APPBP2: variants seen among roughly 807,000 people sequenced by gnomAD.
APPBP2 encodes the protein amyloid protein-binding protein 2.
APPBP2 carries 15 observed loss-of-function variants against 76.0 expected under a neutral mutation model. The ratio of observed to expected loss-of-function variants is 0.20; its 90% CI spans 0.13 to 0.30. The LOEUF (loss-of-function observed/expected upper bound fraction) is 0.30, where lower values mean the gene tolerates loss of function less well. Among genes scored for constraint, APPBP2 ranks in the 10% least tolerant of loss-of-function variants. APPBP2 has a pLI of 1.00. For missense variants in APPBP2, 401 were observed against 687.2 expected, an observed-to-expected ratio of 0.58 and a Z score of 4.66; for synonymous variants, 222 against 242.2, an observed-to-expected ratio of 0.92 and a Z score of 0.77.
intron 2 of APPBP2, among the ~76,000 whole-genome samples, chr17:60,495,159 T>C (rs368090860): frequency 6.6e-6 from 1 of 151,792 alleles, no homozygotes; most frequent in African/African-American, 2.4e-5. Flanking sequence ...TAATCTTTTT[T>C]GTATTTTTAG....
chr17:60,512,886 T>G lies in APPBP2; in HGVS notation c.139-12399A>C, dbSNP rs1003863987. 9.8e-5 allele frequency among the ~76,000 whole-genome samples: 13 copies of G among 132,670 alleles called. No individual in the cohort carries two copies. The East Asian group carries it at 2.2e-3, about 22-fold the overall frequency. The allele number at this position is 132,670 out of a possible 152,430, so 87.0% of individuals were successfully genotyped here. On this transcript the variant is annotated intron_variant, in intron 1 of 12. Coordinates refer to ENST00000083182, the MANE Select transcript of APPBP2 (RefSeq NM_006380.5). The stretch of plus-strand genomic sequence containing the variant: ...GAAAAGAAACGACAAAAAAAAAGAA[T>G]GCTGAATATCTAGTATACAGTTTCA...
intron 2 of APPBP2, among the ~76,000 whole-genome samples, chr17:60,499,036 T>C (rs55725521): frequency 6.6e-6 from 1 of 152,002 alleles, no homozygotes; most frequent in Non-Finnish European, 1.5e-5. Context: ...AGAGGTGTAA[T>C]GGAATTTTAA....
chr17:60,478,642 C>A (rs893532514), intron 4 of APPBP2, among the ~76,000 whole-genome samples: 1 of 152,164 alleles, frequency 6.6e-6, no homozygotes, highest in Admixed American at 6.5e-5. Context: ...ACATTCTGGG[C>A]CAGGCACGGT....
At chr17:60,517,141 A>T (rs1232721337) in intron 1 of APPBP2, among the ~76,000 whole-genome samples, 1 of 152,024 alleles carries the variant, frequency 6.6e-6, no homozygotes, top group East Asian at 1.9e-4. Flanking sequence ...ATGCCTGGCT[A>T]ATTTTTTTTA....
chr17:60,524,248 T>C (rs960629973), intron 1 of APPBP2, among the ~76,000 whole-genome samples: 1 of 152,244 alleles, frequency 6.6e-6, no homozygotes, highest in Non-Finnish European at 1.5e-5. Context: ...TTGGATTACA[T>C]TCCCAATGAT....
chr17:60,451,181 T>C (rs1314691417), intron 12 of APPBP2, among the ~76,000 whole-genome samples: 2 of 152,224 alleles, frequency 1.3e-5, no homozygotes, highest in African/African-American at 2.4e-5. Flanking sequence ...CATAAAAATA[T>C]ACATTGTATA....
chr17:60,505,710 G>A (rs1331383036), intron 1 of APPBP2, among the ~76,000 whole-genome samples: 15 of 104,656 alleles, frequency 1.4e-4, no homozygotes, highest in Middle Eastern at 4.9e-3. Context: ...TTTTGAGATG[G>A]AGTTTCACTC....
chr17:60,490,758 TAGTA>T (rs1237798499), intron 3 of APPBP2, among the ~76,000 whole-genome samples: 1 of 152,140 alleles, frequency 6.6e-6, no homozygotes, highest in Non-Finnish European at 1.5e-5. Flanking sequence ...GTTCTTGTGG[TAGTA>T]AGTCTCACGA....
chr17:60,515,580 G>T (rs987982988), intron 1 of APPBP2, among the ~76,000 whole-genome samples: 2 of 152,094 alleles, frequency 1.3e-5, no homozygotes, highest in Non-Finnish European at 2.9e-5. Flanking sequence ...TCCCTGCATC[G>T]TCACTACTGT....
chr17:60,450,318 G>T (rs1205991479), intron 12 of APPBP2, among the ~76,000 whole-genome samples: 1 of 145,080 alleles, frequency 6.9e-6, no homozygotes, highest in African/African-American at 2.5e-5. Context: ...GGCACCTGTA[G>T]TCCCAGGTAC....
chr17:60,476,257 T>C (rs980953410), intron 4 of APPBP2, among the ~76,000 whole-genome samples: 8 of 152,212 alleles, frequency 5.3e-5, no homozygotes, highest in African/African-American at 1.7e-4. Flanking sequence ...TTGTATAATG[T>C]TTTGATGTTA....
intron 3 of APPBP2, 103 bp downstream of exon 3, chr17:60,494,363 C>A: frequency 7.7e-7 from 1 of 1,304,032 alleles, no homozygotes; most frequent in Non-Finnish European, 1.1e-6. Context: ...TTCTCATAAC[C>A]TTCTTACGTA....
intron 4 of APPBP2, among the ~76,000 whole-genome samples, chr17:60,477,086 A>G (rs2090595969): frequency 6.6e-6 from 1 of 152,206 alleles, no homozygotes; most frequent in South Asian, 2.1e-4. Flanking sequence ...TTCTGATTTA[A>G]AAAAGAGTCA....
At chr17:60,477,800 C>CAAA (rs1177773203) in intron 4 of APPBP2, among the ~76,000 whole-genome samples, 17 of 66,832 alleles carry the variant, frequency 2.5e-4, no homozygotes, top group Admixed American at 6.7e-4. Context: ...TCCAACTGGC[C>CAAA]AAAAAAAAAA....
At chr17:60,447,895 T>G (rs1460916044) in intron 12 of APPBP2, 61 bp from the exon 13 acceptor site, 1 of 1,451,884 alleles carries the variant, frequency 6.9e-7, no homozygotes, top group Non-Finnish European at 9.3e-7. Flanking sequence ...ACAAGCAATT[T>G]CTATAACATG....
At chr17:60,483,432 C>T (rs111573230) in intron 3 of APPBP2, among the ~76,000 whole-genome samples, 185 of 152,094 alleles carry the variant, frequency 1.2e-3, no homozygotes, top group African/African-American at 4.3e-3. Context: ...CTTGCTCTGT[C>T]GCCCAGGCTG....
chr17:60,479,121 G>GT, intron 4 of APPBP2, 27 bp downstream of exon 4: 1 of 1,599,568 alleles, frequency 6.3e-7, no homozygotes, highest in Non-Finnish European at 8.5e-7. Flanking sequence ...GTTATAGCAC[G>GT]TAATTACAGG....
In APPBP2 at chr17:60,479,839, C is replaced by T. The variant is rs1244125138; in HGVS notation, c.380-568G>A. Among the ~76,000 whole-genome samples, 3 of 152,290 alleles carry T rather than the reference C, an allele frequency of 2.0e-5. No homozygotes were observed. The South Asian group carries it at 6.2e-4, about 32-fold the overall frequency. ...TGTTACTACACCATGTAAAACACTT[C>T]GTATTGTGGTAACTACATAACTACA... On this transcript the variant is annotated intron_variant, in intron 3 of 12. Transcript: ENST00000083182.
intron 3 of APPBP2, among the ~76,000 whole-genome samples, chr17:60,483,040 CCCA>C (rs925544007): frequency 1.8e-4 from 27 of 152,288 alleles, no homozygotes; most frequent in African/African-American, 5.1e-4. Context: ...AGTTTACACT[CCCA>C]CCAACAGTGT....
Sources: allele counts gnomAD v4.1 joint callset (sites outside exome capture counted in the v4.1 genomes callset), GRCh38; gene constraint gnomAD v4.1.1; transcripts MANE v1.5; gene names NCBI Gene and HGNC (gene_info 2026-07-23, HGNC 2026-07-21).